AGBL1: variants seen among roughly 807,000 people sequenced by gnomAD.
AGBL1 encodes AGBL carboxypeptidase 1, also known as cytosolic carboxypeptidase 4.
Under a neutral mutation model 118.9 loss-of-function variants are expected in AGBL1, and 130 were observed. The ratio of observed to expected loss-of-function variants is 1.09; its 90% CI spans 0.95 to 1.26. The LOEUF (loss-of-function observed/expected upper bound fraction) is 1.26, where lower values mean the gene tolerates loss of function less well. Ranked by LOEUF, AGBL1 falls within the 50% of genes most tolerant of loss-of-function variation. The probability of loss-of-function intolerance (pLI) is 0.00; values close to 1 mark genes in which losing one functional copy is unlikely to be tolerated. For synonymous variants in AGBL1, 555 were observed against 478.9 expected, an observed-to-expected ratio of 1.16 and a Z score of -2.08; for missense variants, 1,584 against 1,298.1, an observed-to-expected ratio of 1.22 and a Z score of -3.38.
chr15:87,027,210 G>A (rs1029279509), intron 24 of AGBL1, among the ~76,000 whole-genome samples: 1 of 151,824 alleles, frequency 6.6e-6, no homozygotes, highest in Non-Finnish European at 1.5e-5. Context: ...TAGAGAAATG[G>A]AAATCAAAAC....
intron 21 of AGBL1, among the ~76,000 whole-genome samples, chr15:86,588,629 T>C (rs1215411320): frequency 6.6e-6 from 1 of 152,172 alleles, no homozygotes; most frequent in Non-Finnish European, 1.5e-5. Context: ...CCCTGGAGTG[T>C]GTGTCAGGGC....
chr15:86,535,127 G>T (rs991182587), intron 19 of AGBL1, among the ~76,000 whole-genome samples: 5 of 152,200 alleles, frequency 3.3e-5, no homozygotes, highest in Admixed American at 6.5e-5. Flanking sequence ...TAGCATACAG[G>T]CATGTGAGCC....
At chr15:86,353,568 T>G (rs1280566108) in intron 17 of AGBL1, among the ~76,000 whole-genome samples, 4 of 152,188 alleles carry the variant, frequency 2.6e-5, no homozygotes, top group African/African-American at 9.7e-5. Flanking sequence ...TTTAGAAAGA[T>G]TTTCTAATTA....
At chr15:86,401,052 G>C (rs2081437612) in intron 18 of AGBL1, among the ~76,000 whole-genome samples, 1 of 152,130 alleles carries the variant, frequency 6.6e-6, no homozygotes, top group African/African-American at 2.4e-5. Context: ...TCTTCATAGT[G>C]ATTGTACGAG....
intron 24 of AGBL1, among the ~76,000 whole-genome samples, chr15:87,004,590 G>T (rs28795436): frequency 8.6e-5 from 13 of 151,922 alleles, no homozygotes; most frequent in Non-Finnish European, 1.5e-4. Flanking sequence ...GTCTCTGCAC[G>T]TGAGATGGGT....
chr15:86,365,116 G>A (rs1313252774), intron 17 of AGBL1, among the ~76,000 whole-genome samples: 1 of 150,966 alleles, frequency 6.6e-6, no homozygotes, highest in Non-Finnish European at 1.5e-5. Context: ...CTCCAGAACT[G>A]CCCTGCTGAG....
chr15:86,762,560 T>C (rs1279181606), intron 22 of AGBL1, among the ~76,000 whole-genome samples: 1 of 151,920 alleles, frequency 6.6e-6, no homozygotes, highest in East Asian at 2.0e-4. Context: ...TATTACTCCT[T>C]ACTATAAAGC....
At chr15:86,741,420 A>G (rs1476935088) in intron 22 of AGBL1, among the ~76,000 whole-genome samples, 3 of 134,058 alleles carry the variant, frequency 2.2e-5, no homozygotes, top group East Asian at 2.3e-4. Flanking sequence ...AAAAAAAAAA[A>G]AGAATTCAAC....
At chr15:86,901,361 A>T (rs1216220200) in intron 22 of AGBL1, among the ~76,000 whole-genome samples, 3 of 152,126 alleles carry the variant, frequency 2.0e-5, no homozygotes, top group Non-Finnish European at 4.4e-5. Flanking sequence ...GCCATTTAGA[A>T]TTACATTTTT....
intron 5 of AGBL1, among the ~76,000 whole-genome samples, chr15:86,207,388 T>C (rs1296297425): frequency 2.6e-5 from 4 of 152,208 alleles, no homozygotes; most frequent in Non-Finnish European, 5.9e-5. Flanking sequence ...ATTGAATCTA[T>C]AAATTACCTT....
chr15:86,946,930 C>G (rs79926263), intron 23 of AGBL1, among the ~76,000 whole-genome samples: 1 of 151,682 alleles, frequency 6.6e-6, no homozygotes. Flanking sequence ...TGATTCATCC[C>G]TTCGCATGTC....
At chr15:86,235,680 T>A (rs2078528989) in intron 6 of AGBL1, among the ~76,000 whole-genome samples, 1 of 148,600 alleles carries the variant, frequency 6.7e-6, no homozygotes, top group Admixed American at 6.7e-5. Flanking sequence ...GCTTTTCATA[T>A]ATACAATCTC....
intron 7 of AGBL1, among the ~76,000 whole-genome samples, chr15:86,251,231 G>T (rs925158953): frequency 5.3e-5 from 8 of 152,182 alleles, no homozygotes; most frequent in Admixed American, 2.0e-4. Flanking sequence ...CATAAGTGTT[G>T]GAGCTAGGAT....
At chr15:86,417,857 A>G (rs768796283) in intron 18 of AGBL1, among the ~76,000 whole-genome samples, 2 of 152,222 alleles carry the variant, frequency 1.3e-5, no homozygotes, top group Non-Finnish European at 2.9e-5. Flanking sequence ...GCTATTCATG[A>G]AGCCTGAAGC....
At chr15:86,239,910 G>T (rs1026994307) in intron 6 of AGBL1, among the ~76,000 whole-genome samples, 3 of 152,168 alleles carry the variant, frequency 2.0e-5, no homozygotes, top group African/African-American at 7.2e-5. Context: ...AGCCCGATTT[G>T]TTCATTCCCC....
At chr15:86,438,485 A>G (rs1567259870) in intron 18 of AGBL1, among the ~76,000 whole-genome samples, 1 of 152,256 alleles carries the variant, frequency 6.6e-6, no homozygotes, top group East Asian at 1.9e-4. Flanking sequence ...ATCACCATCC[A>G]GGGTTACCAG....
chr15:86,410,807 G>GATATAT (rs36127489), intron 18 of AGBL1, among the ~76,000 whole-genome samples: 654 of 40,316 alleles, frequency 0.016, 11 homozygotes, highest in African/African-American at 0.021. Flanking sequence ...GTCAAATGTA[G>GATATAT]ATATATATAT....
chr15:86,384,005 A>T (rs558721467), intron 17 of AGBL1, among the ~76,000 whole-genome samples: 1 of 152,328 alleles, frequency 6.6e-6, no homozygotes, highest in African/African-American at 2.4e-5. Flanking sequence ...GAAATGTAAT[A>T]AAGTATAACA....
chr15:86,139,277 T>C (rs904808430), intron 1 of AGBL1, among the ~76,000 whole-genome samples: 7 of 151,444 alleles, frequency 4.6e-5, no homozygotes, highest in African/African-American at 1.5e-4. Context: ...GTCCACACTG[T>C]CTCTGAGTTC....
Sources: allele counts gnomAD v4.1 joint callset (sites outside exome capture counted in the v4.1 genomes callset), GRCh38; gene constraint gnomAD v4.1.1; transcripts MANE v1.5; gene names NCBI Gene and HGNC (gene_info 2026-07-23, HGNC 2026-07-21).